Variants in CDC42SE2 observed in about 807,000 individuals in gnomAD.
CDC42SE2 encodes the protein CDC42 small effector 2, also known as CDC42 small effector protein 2.
A neutral mutation model predicts 11.5 loss-of-function variants in CDC42SE2; 3 were observed. That is an observed-to-expected ratio of 0.26 (90% CI 0.12 to 0.67). The LOEUF (loss-of-function observed/expected upper bound fraction) is 0.67, where lower values mean the gene tolerates loss of function less well. Among genes scored for constraint, CDC42SE2 ranks in the 30% least tolerant of loss-of-function variants. The pLI, the probability that CDC42SE2 is intolerant of heterozygous loss-of-function variation, is 0.80. For synonymous variants in CDC42SE2, 33 were observed against 34.8 expected (o/e 0.95, Z 0.18); for missense variants, 82 against 106.8 (o/e 0.77, Z 1.02).
intron 1 of CDC42SE2, among the ~76,000 whole-genome samples, chr5:131,294,554 A>G (rs2149711703): frequency 6.6e-6 from 1 of 152,340 alleles, no homozygotes; most frequent in East Asian, 1.9e-4. Context: ...AATGAGTGAA[A>G]TATATAGAAT....
At chr5:131,221,341 G>A in the CDC42SE2 span, among the ~76,000 whole-genome samples, 3 of 151,158 alleles carry the variant, frequency 2.0e-5, no homozygotes, top group African/African-American at 4.9e-5. Flanking sequence ...TAGTGTTAGC[G>A]TATTTTACGT....
At position 131,394,209 on chromosome 5, in the gene CDC42SE2, G is replaced by A. The variant is rs1301386630; in HGVS notation, c.*3118G>A. The stretch of plus-strand genomic sequence containing the variant: ...AACATTCATTATACTGTTAATCTTT[G>A]CTGAAATATATGCTAACAAATGTTA... On this transcript the variant is annotated 3_prime_UTR_variant, in exon 5 of 5. Transcript: ENST00000505065. 6.6e-6 allele frequency: 1 copy of A among 152,286 alleles called. No individual in the cohort carries two copies. The highest frequency in any genetic ancestry group is 2.4e-5 in the African/African-American group (1 of 41,432). 9.4% of individuals were successfully genotyped at this position (152,286 alleles called of 1,614,324 possible).
chr5:131,369,939 C>G (rs1749970138), intron 3 of CDC42SE2, among the ~76,000 whole-genome samples: 1 of 152,158 alleles, frequency 6.6e-6, no homozygotes, highest in Non-Finnish European at 1.5e-5. Context: ...TAATTTAATT[C>G]AGTGCTTTCT....
At chr5:131,360,843 G>C (rs1305088890) in intron 3 of CDC42SE2, among the ~76,000 whole-genome samples, 2 of 152,132 alleles carry the variant, frequency 1.3e-5, no homozygotes, top group Non-Finnish European at 2.9e-5. Flanking sequence ...GGGATTACAG[G>C]CATGAGCCAC....
chr5:131,374,894 T>C (rs988236075), intron 3 of CDC42SE2, among the ~76,000 whole-genome samples: 3 of 152,138 alleles, frequency 2.0e-5, no homozygotes, highest in African/African-American at 7.2e-5. Context: ...ACATTGTACA[T>C]TGTATACATA....
chr5:131,299,880 A>T (rs1279912289), intron 1 of CDC42SE2, among the ~76,000 whole-genome samples: 1 of 152,204 alleles, frequency 6.6e-6, no homozygotes, highest in Non-Finnish European at 1.5e-5. Flanking sequence ...ATTGTCTGAG[A>T]ACCAGCAAAA....
Position 131,317,103 on chromosome 5 carries a change from C to T in CDC42SE2, c.-286+959C>T, listed in dbSNP as rs568093295. 2.2e-4 allele frequency among the ~76,000 whole-genome samples: 33 copies of T among 152,058 alleles called. No homozygotes were observed. The South Asian group carries it at 6.0e-3, about 28-fold the overall frequency. On this transcript the variant is annotated intron_variant, in intron 2 of 4. Transcript: ENST00000505065. ...ACCAATCCGTAGAATCTAATAATTA[C>T]AGAGATTTTTTTTTTTAAATTCACA...
At chr5:131,342,540 C>A (rs1217549122) in intron 2 of CDC42SE2, among the ~76,000 whole-genome samples, 1 of 151,028 alleles carries the variant, frequency 6.6e-6, no homozygotes, top group Non-Finnish European at 1.5e-5. Flanking sequence ...AGGCGCCCGC[C>A]ACTATGCCCA....
At chr5:131,325,484 G>GT (rs34758151) in intron 2 of CDC42SE2, among the ~76,000 whole-genome samples, 36,132 of 142,842 alleles carry the variant, frequency 0.25, 5,730 homozygotes, top group Non-Finnish European at 0.38. Context: ...CCATTAAGTG[G>GT]TTTTTTTTTT....
intron 2 of CDC42SE2, among the ~76,000 whole-genome samples, chr5:131,350,764 G>A (rs1758988948): frequency 6.6e-6 from 1 of 151,902 alleles, no homozygotes; most frequent in South Asian, 2.1e-4. Context: ...TCTAAAATAT[G>A]TATGAAAATG....
chr5:131,319,729 G>A (rs1293885364), intron 2 of CDC42SE2, among the ~76,000 whole-genome samples: 1 of 152,068 alleles, frequency 6.6e-6, no homozygotes, highest in Non-Finnish European at 1.5e-5. Flanking sequence ...AAAAAATAAG[G>A]AAGATTATCC....
intron 1 of CDC42SE2, among the ~76,000 whole-genome samples, chr5:131,264,510 C>A (rs1756813781): frequency 7.1e-6 from 1 of 140,810 alleles, no homozygotes; most frequent in Admixed American, 7.0e-5. Context: ...CTCCCCCCAA[C>A]TTTTCACGTC....
intron 2 of CDC42SE2, among the ~76,000 whole-genome samples, chr5:131,351,689 T>C (rs1298977501): frequency 2.0e-5 from 3 of 152,026 alleles, no homozygotes; most frequent in African/African-American, 7.3e-5. Flanking sequence ...AAAATTTAAT[T>C]AAAAACAGAT....
intron 1 of CDC42SE2, among the ~76,000 whole-genome samples, chr5:131,274,097 G>A (rs1327007595): frequency 6.6e-6 from 1 of 152,148 alleles, no homozygotes; most frequent in East Asian, 1.9e-4. Flanking sequence ...AACTAAAAAT[G>A]TTATCTTTAG....
rs551228293 is a variant in CDC42SE2 at position 131,367,041 on chromosome 5, T to G, written c.54+7494T>G. 6.0e-4 allele frequency among the ~76,000 whole-genome samples: 91 copies of G among 150,698 alleles called. 1 individual carries two copies. Among genetic ancestry groups the G allele is most frequent in the Admixed American group, 4.6e-3 (70 of 15,062 alleles). On this transcript the variant is annotated intron_variant, in intron 3 of 4. Transcript: ENST00000505065. Reference sequence around the variant, plus strand: ...AACCCTGTTTCAAAAAACAAATTTTTTATATATATATATAATTTTATATGC... The same window carrying G: ...AACCCTGTTTCAAAAAACAAATTTTGTATATATATATATAATTTTATATGC...
At chr5:131,249,943 G>C (rs1311782978) in intron 1 of CDC42SE2, among the ~76,000 whole-genome samples, 1 of 152,278 alleles carries the variant, frequency 6.6e-6, no homozygotes, top group Non-Finnish European at 1.5e-5. Flanking sequence ...GCAACTTAAG[G>C]AGTCTGTGCT....
At chr5:131,388,679 C>G (rs1750562465) in intron 4 of CDC42SE2, among the ~76,000 whole-genome samples, 2 of 152,136 alleles carry the variant, frequency 1.3e-5, no homozygotes, top group Admixed American at 1.3e-4. Flanking sequence ...AATACATTGT[C>G]TCAACACTGA....
rs1750693402 is a variant in CDC42SE2 at position 131,392,558 on chromosome 5, C to T, written c.*1467C>T. The stretch of plus-strand genomic sequence containing the variant: ...GATTAGAATTGCAATAAAAGAAAAG[C>T]TTGCATTCATAAGGCATTCATTCTG... On this transcript the variant is annotated 3_prime_UTR_variant, in exon 5 of 5. Coordinates refer to ENST00000505065, the MANE Select transcript of CDC42SE2 (RefSeq NM_001375635.1). The T allele has an allele frequency of 3.3e-5, 5 of 152,206 alleles. No individual in the cohort carries two copies. The allele number at this position is 152,206 out of a possible 1,614,324, so 9.4% of individuals were successfully genotyped here.
At chr5:131,235,426 A>G in the CDC42SE2 span, among the ~76,000 whole-genome samples, 1 of 151,298 alleles carries the variant, frequency 6.6e-6, no homozygotes, top group Non-Finnish European at 1.5e-5. Context: ...AGTAGCTGAG[A>G]CTACAGGTGT....
Sources: allele counts gnomAD v4.1 joint callset (sites outside exome capture counted in the v4.1 genomes callset), GRCh38; gene constraint gnomAD v4.1.1; transcripts MANE v1.5; gene names NCBI Gene and HGNC (gene_info 2026-07-23, HGNC 2026-07-21).